Variants in SLC23A1 observed in about 807,000 individuals in gnomAD.
SLC23A1 encodes the protein Na(+)/L-ascorbic acid transporter 1.
SLC23A1 carries 31 observed loss-of-function variants against 62.5 expected under a neutral mutation model. That is an observed-to-expected ratio of 0.50 (90% CI 0.37 to 0.67). SLC23A1 has a LOEUF of 0.67. SLC23A1 is among the 30% of genes least tolerant of loss of function. SLC23A1 has a pLI of 0.00. For missense variants in SLC23A1, 640 were observed against 782.7 expected (o/e 0.82, Z 2.18); for synonymous variants, 271 against 313.2 (o/e 0.87, Z 1.42).
At chr5:139,374,693 T>A (rs938932105) in intron 13 of SLC23A1, among the ~76,000 whole-genome samples, 2 of 152,104 alleles carry the variant, frequency 1.3e-5, no homozygotes, top group African/African-American at 4.8e-5. Context: ...GCAGGGACAG[T>A]TGTGATGCTC....
Position 139,372,155 on chromosome 5 carries a change from T to C in SLC23A1, c.1648A>G (p.Met550Val). The C allele has an allele frequency of 1.9e-6, 3 of 1,613,684 alleles. No homozygotes were observed. Among genetic ancestry groups the C allele is most frequent in the East Asian group, 2.2e-5 (1 of 44,886 alleles). Residue 550 changes from methionine to valine, a missense_variant, in exon 14 of 15, where the codon ATG becomes GTG. Physicochemically the swap from Met to Val is conservative, Grantham distance 21. Transcript: ENST00000348729. Reference sequence around the variant, plus strand: ...AAGGTAATTCTTTTTACTATGCCCATCCCAATGGGGAAATCGTAGCTCTTG... The same window carrying C: ...AAGGTAATTCTTTTTACTATGCCCACCCCAATGGGGAAATCGTAGCTCTTG... Reference protein sequence around the residue: ...SLKSYDFPIGMGIVKRITFLK... With the variant: ...SLKSYDFPIGVGIVKRITFLK...
intron 13 of SLC23A1, among the ~76,000 whole-genome samples, chr5:139,374,588 C>T (rs1757853689): frequency 6.6e-6 from 1 of 152,222 alleles, no homozygotes; most frequent in Admixed American, 6.5e-5. Flanking sequence ...GGTTGTGTGA[C>T]CTTAGGCAAG....
intron 3 of SLC23A1, among the ~76,000 whole-genome samples, chr5:139,381,262 C>T (rs758188955): frequency 4.5e-4 from 69 of 152,168 alleles, no homozygotes; most frequent in Non-Finnish European, 9.4e-4. Context: ...CACTCGGGAG[C>T]GTGGGGCCCT....
chr5:139,367,422 T>C lies in SLC23A1; in HGVS notation c.*229A>G, dbSNP rs566648751. The C allele has an allele frequency of 6.6e-6, 1 of 152,290 alleles. No homozygotes were observed. The highest frequency in any genetic ancestry group is 1.9e-4 in the East Asian group (1 of 5,184). The allele number at this position is 152,290 out of a possible 1,614,324, so 9.4% of individuals were successfully genotyped here. On this transcript the variant is annotated 3_prime_UTR_variant, in exon 15 of 15. Coordinates refer to ENST00000348729, the MANE Select transcript of SLC23A1 (RefSeq NM_005847.5). ...TTAGGAGAGTAAAGATTTAGAGACA[T>C]AGCATAACATTGGTACAAGTCTCTA... is the stretch of plus-strand genomic sequence containing the variant.
intron 13 of SLC23A1, among the ~76,000 whole-genome samples, chr5:139,376,192 T>C (rs1485648733): frequency 1.3e-5 from 2 of 151,752 alleles, no homozygotes; most frequent in Non-Finnish European, 2.9e-5. Context: ...TTTTTTGAGA[T>C]GGAGTCTCAC....
At chr5:139,371,966 A>G in intron 14 of SLC23A1, 21 bp downstream of exon 14, 2 of 1,591,070 alleles carry the variant, frequency 1.3e-6, no homozygotes, top group Non-Finnish European at 1.7e-6. Flanking sequence ...CCCTCCCACA[A>G]AAACCATAGA....
At chr5:139,370,858 A>C (rs1005717284) in intron 14 of SLC23A1, among the ~76,000 whole-genome samples, 1 of 151,310 alleles carries the variant, frequency 6.6e-6, no homozygotes, top group South Asian at 2.1e-4. Context: ...TGGGAGGTCA[A>C]GGTAGGTGGA....
At chr5:139,372,815 C>T (rs1757747162) in intron 13 of SLC23A1, among the ~76,000 whole-genome samples, 1 of 152,084 alleles carries the variant, frequency 6.6e-6, no homozygotes, top group East Asian at 1.9e-4. Flanking sequence ...GAACTCCTGA[C>T]CTTGTGATCT....
chr5:139,372,193 A>T lies in SLC23A1; in HGVS notation c.1610T>A (p.Met537Lys). 6.2e-7 allele frequency: 1 copy of T among 1,613,486 alleles called. No individual in the cohort carries two copies. The highest frequency in any genetic ancestry group is 8.5e-7 in the Non-Finnish European group (1 of 1,179,386). The change falls in exon 14 of 15, where the codon ATG (methionine) becomes AAG (lysine). Residue 537 changes from methionine to lysine, a missense_variant. Physicochemically the swap from Met to Lys is moderately conservative, Grantham distance 95. Coordinates refer to ENST00000348729, the MANE Select transcript of SLC23A1 (RefSeq NM_005847.5). ...WKAGAHANSDMSSSLKSYDFP... is the reference protein window; with the variant it reads ...WKAGAHANSDKSSSLKSYDFP... ...ATCGTAGCTCTTGAGGCTGGAAGAC[A>T]TGTCACTGTTGGCATGAGCCCCAGC... is the stretch of plus-strand genomic sequence containing the variant.
At chr5:139,367,931 C>T (rs1428746202) in intron 14 of SLC23A1, among the ~76,000 whole-genome samples, 2 of 152,224 alleles carry the variant, frequency 1.3e-5, no homozygotes, top group Non-Finnish European at 2.9e-5. Context: ...AGGCCGGGTG[C>T]AGTGGCTCAC....
At position 139,381,924 on chromosome 5, in the gene SLC23A1, G is replaced by T; in HGVS notation, c.276C>A (p.Ile92=). 1.3e-6 allele frequency: 2 copies of T among 1,574,236 alleles called. No individual in the cohort carries two copies. Among genetic ancestry groups the T allele is most frequent in the Non-Finnish European group, 1.7e-6 (2 of 1,161,124 alleles). The change falls in exon 3 of 15, where the codon ATC becomes ATA. Residue 92 remains isoleucine (I), a synonymous_variant. Coordinates refer to ENST00000348729, the MANE Select transcript of SLC23A1 (RefSeq NM_005847.5). ...LIGTIFTCVG[I]TTLIQTTVGI... The stretch of plus-strand genomic sequence containing the variant: ...CCACGGTGGTCTGGATGAGAGTGGT[G>T]ATGCCCACGCACGTGAAGATGGTGC...
chr5:139,368,595 T>A, intron 14 of SLC23A1: 1 of 616,846 alleles, frequency 1.6e-6, no homozygotes, highest in Middle Eastern at 3.4e-4. Context: ...TTCTTCCTTT[T>A]TGGGGTTTAG....
chr5:139,371,216 T>A (rs911088044), intron 14 of SLC23A1, among the ~76,000 whole-genome samples: 1 of 152,212 alleles, frequency 6.6e-6, no homozygotes, highest in Non-Finnish European at 1.5e-5. Context: ...CTGGATTATG[T>A]GAGTAGTTAA....
Position 139,380,250 on chromosome 5 carries a change from G to A in SLC23A1, c.605C>T (p.Ala202Val). 1.3e-6 allele frequency: 2 copies of A among 1,571,974 alleles called. No individual in the cohort carries two copies. The highest frequency in any genetic ancestry group is 1.7e-6 in the Non-Finnish European group (2 of 1,158,598). ...VSLIGLSVFQ[A>V]AGDRAGSHWG... ...GTGGGAGCCAGCTCGGTCGCCAGCA[G>A]CTTGGAAGACAGAAAGGCCAATGAG... The change falls in exon 6 of 15, where the codon GCT becomes GTT. Residue 202 changes from alanine (A) to valine (V), a missense_variant. Ala to Val is a moderately conservative substitution (Grantham distance 64). Transcript: ENST00000348729.
At position 139,381,876 on chromosome 5, in the gene SLC23A1, GGGCTGGGC is replaced by G; in HGVS notation, c.308+8_308+15del. On this transcript the variant is annotated splice_region_variant and intron_variant, in intron 3 of 14. Transcript: ENST00000348729. ...GAGGGGTGGCGGGGGACGGGTTGGG[GGGCTGGGC>G]GGCTCACCGGATGCCCACGGTGGTC... The G allele has an allele frequency of 6.5e-7, 1 of 1,548,392 alleles. No homozygotes were observed. Among genetic ancestry groups the G allele is most frequent in the Non-Finnish European group, 8.7e-7 (1 of 1,145,746 alleles).
rs774361660 is a variant in SLC23A1 at position 139,381,932 on chromosome 5, C to T, written c.268G>A (p.Val90Met). Residue 90 changes from valine to methionine, a missense_variant, in exon 3 of 15, where the codon GTG becomes ATG. By Grantham distance (21) the Val-to-Met change is conservative. Transcript: ENST00000348729. ...SQLIGTIFTCVGITTLIQTTV... is the reference protein window; with the variant it reads ...SQLIGTIFTCMGITTLIQTTV... The stretch of plus-strand genomic sequence containing the variant: ...GTCTGGATGAGAGTGGTGATGCCCA[C>T]GCACGTGAAGATGGTGCCGATGAGC... 3.2e-6 allele frequency: 5 copies of T among 1,578,854 alleles called. No individual in the cohort carries two copies. Among genetic ancestry groups the T allele is most frequent in the South Asian group, 1.2e-5 (1 of 86,152 alleles).
chr5:139,380,102 G>GTGGCACAATCAGGAAGTGGATGGGAGGCC lies in SLC23A1; in HGVS notation c.648-27_648-26insGGCCTCCCATCCACTTCCTGATTGTGCCA, dbSNP rs776837237. The GTGGCACAATCAGGAAGTGGATGGGAGGCC allele has an allele frequency of 1.4e-5, 22 of 1,595,732 alleles. No homozygotes were observed. The Admixed American group carries it at 1.8e-4, about 13-fold the overall frequency. The stretch of plus-strand genomic sequence containing the variant: ...CTGGGGGCAGAGGCACAATCAGGAA[G>GTGGCACAATCAGGAAGTGGATGGGAGGCC]TGGATGGGAGGCCAGGCTGGGGCCA... On this transcript the variant is annotated intron_variant, in intron 6 of 14. Transcript: ENST00000348729.
In SLC23A1 at chr5:139,367,342, A is replaced by G. The variant is rs1757311543; in HGVS notation, c.*309T>C. The G allele has an allele frequency of 6.6e-6, 1 of 152,170 alleles. No individual in the cohort carries two copies. The highest frequency in any genetic ancestry group is 2.1e-4 in the South Asian group (1 of 4,830). The allele number at this position is 152,170 out of a possible 1,614,324, so 9.4% of individuals were successfully genotyped here. A position where few individuals can be genotyped will look rare whatever the true frequency, so the allele number is the denominator to read the frequency against. On this transcript the variant is annotated 3_prime_UTR_variant, in exon 15 of 15. Transcript: ENST00000348729. The stretch of plus-strand genomic sequence containing the variant: ...TTTTATTTTTTTCAACTTGCAGTCT[A>G]AAATATCACAGAGGAAAATTTCTAG...
Position 139,380,727 on chromosome 5 carries a change from G to A in SLC23A1, c.397+71C>T, listed in dbSNP as rs371928414. On this transcript the variant is annotated intron_variant, in intron 4 of 14. Transcript: ENST00000348729. Reference sequence around the variant, plus strand: ...TGGCTGCACCCTGGTGTTGACCCGGGACAGTTGCTCAGACCTCCAGGTCTC... The same window carrying A: ...TGGCTGCACCCTGGTGTTGACCCGGAACAGTTGCTCAGACCTCCAGGTCTC... 8.2e-6 allele frequency: 12 copies of A among 1,462,744 alleles called. No homozygotes were observed. In the East Asian group the frequency reaches 1.1e-4, roughly 14 times the overall value. 90.6% of individuals were successfully genotyped at this position (1,462,744 alleles called of 1,614,324 possible).
Sources: allele counts gnomAD v4.1 joint callset (sites outside exome capture counted in the v4.1 genomes callset), GRCh38; gene constraint gnomAD v4.1.1; transcripts MANE v1.5; gene names NCBI Gene and HGNC (gene_info 2026-07-23, HGNC 2026-07-21).